The following PRMT9 variants were observed in gnomAD, a reference collection of about 807,000 sequenced individuals.
PRMT9 encodes the protein protein arginine N-methyltransferase 9.
In PRMT9, 59 loss-of-function variants were observed where a neutral mutation model predicts 83.2. The observed-to-expected ratio is 0.71, with a 90% CI of 0.57 to 0.88. The LOEUF (loss-of-function observed/expected upper bound fraction) is 0.88. Ranked by LOEUF, PRMT9 falls within the 40% of genes least tolerant of loss-of-function variation. The pLI, the probability that PRMT9 is intolerant of heterozygous loss-of-function variation, is 0.00. For missense variants in PRMT9, 947 were observed against 1,021.9 expected, an observed-to-expected ratio of 0.93 and a Z score of 1.00; for synonymous variants, 333 against 353.2, an observed-to-expected ratio of 0.94 and a Z score of 0.64.
chr4:147,674,581 A>C lies in PRMT9; in HGVS notation c.339-707T>G, dbSNP rs1375401864. The stretch of plus-strand genomic sequence containing the variant: ...AGAACCTCTCCTCCCTTTTCTTCTT[A>C]ATTTTTTATTTTTAAGACTAGTCAA... On this transcript the variant is annotated intron_variant, in intron 2 of 11. Coordinates refer to ENST00000322396, the MANE Select transcript of PRMT9 (RefSeq NM_138364.4). Among the ~76,000 whole-genome samples the C allele has an allele frequency of 2.0e-5, 3 of 152,134 alleles. No individual in the cohort carries two copies. The East Asian group carries it at 5.8e-4, about 29-fold the overall frequency.
chr4:147,642,735 A>G (rs1733485148), intron 10 of PRMT9, 52 bp downstream of exon 10: 4 of 1,474,518 alleles, frequency 2.7e-6, no homozygotes, highest in Non-Finnish European at 3.8e-6. Context: ...AGAGAGAGCG[A>G]TGGTAGACTG....
chr4:147,679,212 G>A (rs983251674), intron 2 of PRMT9, among the ~76,000 whole-genome samples: 2 of 152,190 alleles, frequency 1.3e-5, no homozygotes, highest in African/African-American at 4.8e-5. Flanking sequence ...CCAGAGGATC[G>A]CTTGAGCCCA....
intron 1 of PRMT9, among the ~76,000 whole-genome samples, chr4:147,681,377 A>G (rs1310570732): frequency 6.6e-6 from 1 of 152,220 alleles, no homozygotes; most frequent in African/African-American, 2.4e-5. Flanking sequence ...AATACTGTGG[A>G]AAGAGGGAAA....
intron 10 of PRMT9, among the ~76,000 whole-genome samples, chr4:147,641,430 C>A (rs915761398): frequency 1.3e-5 from 2 of 152,144 alleles, no homozygotes; most frequent in African/African-American, 4.8e-5. Flanking sequence ...TCCCTTATTT[C>A]TTTCAGGCCT....
chr4:147,658,296 G>T (rs1037816285), intron 7 of PRMT9, among the ~76,000 whole-genome samples: 22 of 151,850 alleles, frequency 1.4e-4, no homozygotes, highest in African/African-American at 5.3e-4. Context: ...AATAGAGGGG[G>T]ATGGAGGGGG....
At chr4:147,656,200 C>T (rs1173900771) in intron 8 of PRMT9, among the ~76,000 whole-genome samples, 2 of 152,144 alleles carry the variant, frequency 1.3e-5, no homozygotes, top group Non-Finnish European at 2.9e-5. Context: ...GATTCCAGGC[C>T]TTTATGACCT....
intron 9 of PRMT9, among the ~76,000 whole-genome samples, chr4:147,646,296 G>A (rs1431715326): frequency 6.6e-6 from 1 of 152,120 alleles, no homozygotes; most frequent in Non-Finnish European, 1.5e-5. Flanking sequence ...AGATCACAAA[G>A]GTCTCTGAAA....
At chr4:147,680,682 C>T (rs1393274323) in intron 1 of PRMT9, among the ~76,000 whole-genome samples, 1 of 152,208 alleles carries the variant, frequency 6.6e-6, no homozygotes, top group African/African-American at 2.4e-5. Context: ...CAGAATTAGT[C>T]TGACCACTCT....
chr4:147,659,048 G>A (rs899345897), intron 7 of PRMT9, among the ~76,000 whole-genome samples: 37 of 152,018 alleles, frequency 2.4e-4, no homozygotes, highest in Admixed American at 3.9e-4. Context: ...GCATGGTGGC[G>A]GGCACCTGTA....
intron 10 of PRMT9, among the ~76,000 whole-genome samples, chr4:147,641,026 T>C (rs1225864851): frequency 6.6e-6 from 1 of 152,190 alleles, no homozygotes; most frequent in Admixed American, 6.5e-5. Context: ...CTTTAAAATA[T>C]ATTGAGGATC....
intron 6 of PRMT9, among the ~76,000 whole-genome samples, chr4:147,661,954 C>G (rs890680816): frequency 1.3e-5 from 2 of 152,064 alleles, no homozygotes; most frequent in Non-Finnish European, 2.9e-5. Context: ...AGTACCAATT[C>G]GAGCTGAGCA....
intron 6 of PRMT9, among the ~76,000 whole-genome samples, chr4:147,661,938 C>A (rs879445340): frequency 6.6e-6 from 1 of 152,034 alleles, no homozygotes; most frequent in Non-Finnish European, 1.5e-5. Context: ...TGGAAGACTA[C>A]TTTGTAGTAC....
chr4:147,659,203 C>CCAG (rs1484963874), intron 7 of PRMT9, among the ~76,000 whole-genome samples: 1 of 146,774 alleles, frequency 6.8e-6, no homozygotes, highest in Admixed American at 6.9e-5. Flanking sequence ...GAGTTCGAGA[C>CCAG]CAGCCTGGCC....
intron 6 of PRMT9, among the ~76,000 whole-genome samples, chr4:147,663,494 T>C (rs1190055687): frequency 2.0e-5 from 3 of 151,976 alleles, no homozygotes; most frequent in Non-Finnish European, 4.4e-5. Flanking sequence ...ACTTCCTGAG[T>C]AGCTGGGACT....
At chr4:147,674,326 A>G (rs1234284390) in intron 2 of PRMT9, among the ~76,000 whole-genome samples, 2 of 152,196 alleles carry the variant, frequency 1.3e-5, no homozygotes, top group Non-Finnish European at 2.9e-5. Flanking sequence ...ACTTGTTATT[A>G]TAATTACGTA....
At chr4:147,658,317 A>G (rs528420821) in intron 7 of PRMT9, among the ~76,000 whole-genome samples, 7 of 151,866 alleles carry the variant, frequency 4.6e-5, no homozygotes, top group Non-Finnish European at 8.8e-5. Context: ...GTAGAGAGAG[A>G]GAGGGAGTAG....
At chr4:147,654,638 T>C (rs1734363370) in intron 8 of PRMT9, 72 bp from the exon 9 acceptor site, 3 of 921,438 alleles carry the variant, frequency 3.3e-6, no homozygotes, top group African/African-American at 1.6e-5. Flanking sequence ...AACATCTCCA[T>C]CCTCCATCTA....
At chr4:147,660,709 C>T (rs149726607) in intron 7 of PRMT9, 137 bp downstream of exon 7, 311 of 626,060 alleles carry the variant, frequency 5.0e-4, no homozygotes, top group African/African-American at 1.5e-3. Flanking sequence ...ATTCTAATTA[C>T]CCTTTAATCA....
At chr4:147,646,663 G>C (rs1223893447) in intron 9 of PRMT9, among the ~76,000 whole-genome samples, 2 of 150,006 alleles carry the variant, frequency 1.3e-5, no homozygotes, top group Non-Finnish European at 3.0e-5. Flanking sequence ...GGGCTGGGGA[G>C]GGGGGGGAGG....
Sources: allele counts gnomAD v4.1 joint callset (sites outside exome capture counted in the v4.1 genomes callset), GRCh38; gene constraint gnomAD v4.1.1; transcripts MANE v1.5; gene names NCBI Gene and HGNC (gene_info 2026-07-23, HGNC 2026-07-21).